The following B3GALT5 variants were observed in gnomAD, a reference collection of about 807,000 sequenced individuals.
B3GALT5 encodes UDP-Gal:betaGlcNAc beta 1,3-galactosyltransferase, polypeptide 5.
For synonymous variants in B3GALT5, 156 were observed against 158.6 expected (o/e 0.98, Z 0.12); for missense variants, 328 against 396.6 (o/e 0.83, Z 1.47).
chr21:39,632,119 T>C (rs1193196067), intron 1 of B3GALT5, among the ~76,000 whole-genome samples: 1 of 152,224 alleles, frequency 6.6e-6, no homozygotes, highest in Non-Finnish European at 1.5e-5. Flanking sequence ...GTGGCTGGCA[T>C]GGAGCTGGGC....
chr21:39,625,423 T>C (rs919323375), intron 1 of B3GALT5, among the ~76,000 whole-genome samples: 1 of 152,230 alleles, frequency 6.6e-6, no homozygotes, highest in African/African-American at 2.4e-5. Context: ...CCATGGGGTG[T>C]GTTCCTCGCA....
intron 1 of B3GALT5, among the ~76,000 whole-genome samples, chr21:39,620,001 AT>A (rs1437710074): frequency 6.6e-6 from 1 of 151,872 alleles, no homozygotes; most frequent in Non-Finnish European, 1.5e-5. Flanking sequence ...TAGAGACGGT[AT>A]TTTTGGTAGA....
chr21:39,653,835 A>G (rs1382971928), intron 2 of B3GALT5, among the ~76,000 whole-genome samples: 2 of 152,072 alleles, frequency 1.3e-5, no homozygotes, highest in African/African-American at 2.4e-5. Context: ...CATTCCTTAT[A>G]TATGGTTGTT....
chr21:39,639,464 CT>C (rs2079271537), intron 1 of B3GALT5, among the ~76,000 whole-genome samples: 3 of 107,904 alleles, frequency 2.8e-5, no homozygotes, highest in Non-Finnish European at 3.9e-5. Context: ...TTTTTTCTTT[CT>C]CTCTCTCTCT....
chr21:39,660,429 C>T (rs1008495854), intron 3 of B3GALT5, 131 bp from the exon 4 acceptor site: 29 of 682,912 alleles, frequency 4.2e-5, no homozygotes, highest in East Asian at 1.8e-4. Context: ...ACACAGCACC[C>T]GACTTCTGTA....
In B3GALT5 at chr21:39,671,402, T is replaced by G. The variant is rs1220584041; in HGVS notation, c.*9910T>G. On this transcript the variant is annotated 3_prime_UTR_variant, in exon 4 of 4. Coordinates refer to ENST00000684187, the MANE Select transcript of B3GALT5 (RefSeq NM_001356336.2). Reference sequence around the variant, plus strand: ...CTTCCAGCCTGATTCCTCTCTCTGTTTGGGTCTCTGGCATGGTGCCTGCTG... The same window carrying G: ...CTTCCAGCCTGATTCCTCTCTCTGTGTGGGTCTCTGGCATGGTGCCTGCTG... 2.6e-5 allele frequency: 4 copies of G among 152,200 alleles called. No homozygotes were observed. The highest frequency in any genetic ancestry group is 9.7e-5 in the African/African-American group (4 of 41,432). 9.4% of individuals were successfully genotyped at this position (152,200 alleles called of 1,614,324 possible).
intron 1 of B3GALT5, among the ~76,000 whole-genome samples, chr21:39,623,731 T>C (rs940891408): frequency 7.2e-5 from 11 of 152,218 alleles, no homozygotes; most frequent in Admixed American, 1.3e-4. Context: ...TTTAGGACTT[T>C]CTCATTTTCG....
chr21:39,621,475 G>GT (rs920549477), intron 1 of B3GALT5, among the ~76,000 whole-genome samples: 4,313 of 143,820 alleles, frequency 0.03, 205 homozygotes, highest in African/African-American at 0.098. Flanking sequence ...GCACAAAAAG[G>GT]TTTTTTTTTT....
chr21:39,641,492 C>T (rs2079289798), intron 1 of B3GALT5, among the ~76,000 whole-genome samples: 1 of 152,192 alleles, frequency 6.6e-6, no homozygotes, highest in African/African-American at 2.4e-5. Context: ...TTAAGCTAGT[C>T]TTATAGTCCA....
intron 2 of B3GALT5, among the ~76,000 whole-genome samples, chr21:39,652,719 CA>C (rs779424221): frequency 3.3e-5 from 5 of 152,172 alleles, no homozygotes; most frequent in Non-Finnish European, 7.3e-5. Context: ...ACAGTTTGAT[CA>C]AGGATCCTGC....
At chr21:39,628,601 T>C (rs1346456157) in intron 1 of B3GALT5, among the ~76,000 whole-genome samples, 1 of 152,234 alleles carries the variant, frequency 6.6e-6, no homozygotes, top group East Asian at 1.9e-4. Context: ...CACTGGCTCA[T>C]ACACAACCAT....
At chr21:39,626,165 G>A (rs2079162779) in intron 1 of B3GALT5, among the ~76,000 whole-genome samples, 1 of 152,174 alleles carries the variant, frequency 6.6e-6, no homozygotes, top group South Asian at 2.1e-4. Context: ...GCCCATGTAA[G>A]TGAAACCATA....
At chr21:39,649,471 A>G (rs189835872) in intron 2 of B3GALT5, among the ~76,000 whole-genome samples, 140 of 152,326 alleles carry the variant, frequency 9.2e-4, no homozygotes, top group African/African-American at 2.9e-3. Context: ...TGCCCCGTTA[A>G]AGAAAAGCCA....
chr21:39,625,749 G>A (rs2079160406), intron 1 of B3GALT5, among the ~76,000 whole-genome samples: 1 of 152,180 alleles, frequency 6.6e-6, no homozygotes, highest in Non-Finnish European at 1.5e-5. Flanking sequence ...GCATGGTTAG[G>A]GAAACTCTGC....
chr21:39,633,475 AATACT>A (rs1285025545), intron 1 of B3GALT5, among the ~76,000 whole-genome samples: 3 of 152,232 alleles, frequency 2.0e-5, no homozygotes, highest in Non-Finnish European at 4.4e-5. Context: ...TAACCGGCAC[AATACT>A]TATACATGAA....
intron 1 of B3GALT5, among the ~76,000 whole-genome samples, chr21:39,645,477 T>C (rs1181770669): frequency 2.0e-5 from 3 of 152,212 alleles, no homozygotes; most frequent in East Asian, 3.9e-4. Flanking sequence ...GGGTTCATGA[T>C]GGATGCGTTG....
intron 1 of B3GALT5, among the ~76,000 whole-genome samples, chr21:39,632,344 G>A (rs1040354226): frequency 1.1e-4 from 16 of 152,188 alleles, no homozygotes; most frequent in Non-Finnish European, 1.9e-4. Context: ...GTGACCTTTG[G>A]TATGTTCAGA....
In B3GALT5 at chr21:39,647,441, TG is replaced by T. The variant is rs552092249; in HGVS notation, c.-161+821del. ...TGTTTTAATTAATTAATTAAGTTTT[TG>T]GTTCTCGGGCCTCAGTCTCCTGAGT... On this transcript the variant is annotated intron_variant, in intron 2 of 3. Coordinates refer to ENST00000684187, the MANE Select transcript of B3GALT5 (RefSeq NM_001356336.2). Among the ~76,000 whole-genome samples the T allele has an allele frequency of 3.3e-3, 500 of 152,322 alleles. 1 individual carries two copies. In the Middle Eastern group the frequency reaches 0.071, roughly 22 times the overall value.
chr21:39,659,706 G>C (rs1056671847), intron 2 of B3GALT5, 47 bp from the exon 3 acceptor site: 2 of 972,258 alleles, frequency 2.1e-6, no homozygotes, highest in Non-Finnish European at 2.4e-6. Flanking sequence ...AGGCCTGCTG[G>C]TAAGGCACGA....
Sources: gnomAD v4.1 joint callset for allele counts (sites outside exome capture counted in the v4.1 genomes callset) on GRCh38, gnomAD v4.1.1 for gene constraint, MANE v1.5 for transcripts, NCBI Gene and HGNC (gene_info 2026-07-23, HGNC 2026-07-21) for gene names.